Variants in INO80C observed in about 807,000 individuals in gnomAD.
INO80C encodes IES6 homolog.
In INO80C, 17 loss-of-function variants were observed where a neutral mutation model predicts 17.7. The observed-to-expected ratio is 0.96, with a 90% CI of 0.66 to 1.44. The LOEUF (loss-of-function observed/expected upper bound fraction) is 1.44, where lower values mean the gene tolerates loss of function less well. Ranked by LOEUF, INO80C falls within the 40% of genes most tolerant of loss-of-function variation. INO80C has a pLI of 0.00. For synonymous variants in INO80C, 96 were observed against 95.8 expected (o/e 1.00, Z -0.01); for missense variants, 244 against 245.0 (o/e 1.00, Z 0.03).
chr18:35,481,470 T>C (rs945821912), intron 1 of INO80C, among the ~76,000 whole-genome samples: 7 of 152,214 alleles, frequency 4.6e-5, no homozygotes, highest in Admixed American at 1.3e-4. Flanking sequence ...TACCTTCCAG[T>C]CCCAACGGCA....
intron 1 of INO80C, 113 bp from the exon 2 acceptor site, chr18:35,480,676 T>A: frequency 1.2e-6 from 1 of 810,992 alleles, no homozygotes; most frequent in Non-Finnish European, 2.1e-6. Flanking sequence ...GGGAAGACAG[T>A]ATGCCCAGAG....
intron 2 of INO80C, among the ~76,000 whole-genome samples, chr18:35,479,848 A>C (rs1201877973): frequency 1.3e-5 from 2 of 151,794 alleles, no homozygotes; most frequent in Admixed American, 1.3e-4. Flanking sequence ...AAGTTGAGAA[A>C]GCCCCAGTTG....
chr18:35,493,250 A>C (rs1044113778), intron 1 of INO80C, among the ~76,000 whole-genome samples: 1 of 152,188 alleles, frequency 6.6e-6, no homozygotes, highest in Non-Finnish European at 1.5e-5. Context: ...AATATTAATT[A>C]CTATTATTTA....
chr18:35,494,715 T>C (rs759583584), intron 1 of INO80C, among the ~76,000 whole-genome samples: 1 of 152,236 alleles, frequency 6.6e-6, no homozygotes, highest in South Asian at 2.1e-4. Flanking sequence ...AGCTTTGTGA[T>C]ACCCAGAGCA....
chr18:35,475,992 G>A (rs1478556749), intron 4 of INO80C, among the ~76,000 whole-genome samples: 1 of 152,154 alleles, frequency 6.6e-6, no homozygotes, highest in African/African-American at 2.4e-5. Flanking sequence ...GAATGAGAGA[G>A]TGGAATTAGA....
At chr18:35,497,669 A>G (rs1377403206) in intron 1 of INO80C, 50 bp downstream of exon 1, 1 of 1,581,680 alleles carries the variant, frequency 6.3e-7, no homozygotes, top group Admixed American at 1.8e-5. Context: ...CCGCCCCGCC[A>G]AGTCCCGTTT....
intron 4 of INO80C, among the ~76,000 whole-genome samples, chr18:35,474,637 T>C (rs1598737454): frequency 6.6e-6 from 1 of 152,074 alleles, no homozygotes; most frequent in Non-Finnish European, 1.5e-5. Flanking sequence ...TAGTGAGCTG[T>C]GATCACATCA....
intron 1 of INO80C, among the ~76,000 whole-genome samples, chr18:35,481,091 G>C (rs1278865376): frequency 6.6e-6 from 1 of 152,182 alleles, no homozygotes; most frequent in Non-Finnish European, 1.5e-5. Flanking sequence ...TAAGGGTCTA[G>C]TTGGCCAGAG....
chr18:35,473,188 G>A (rs1167250212), intron 4 of INO80C, among the ~76,000 whole-genome samples: 1 of 152,212 alleles, frequency 6.6e-6, no homozygotes, highest in Non-Finnish European at 1.5e-5. Context: ...ATGACACAGG[G>A]AGAGATTTCC....
At chr18:35,472,659 A>G (rs974507727) in intron 4 of INO80C, among the ~76,000 whole-genome samples, 9 of 152,176 alleles carry the variant, frequency 5.9e-5, no homozygotes, top group Admixed American at 2.0e-4. Flanking sequence ...TTTAATCTCA[A>G]CAGACTGCTC....
At chr18:35,484,309 G>A (rs970280493) in intron 1 of INO80C, among the ~76,000 whole-genome samples, 16 of 152,190 alleles carry the variant, frequency 1.1e-4, no homozygotes, top group Non-Finnish European at 2.2e-4. Flanking sequence ...CAGTATACAG[G>A]CAGATAATTA....
intron 1 of INO80C, among the ~76,000 whole-genome samples, chr18:35,485,077 T>C (rs751850686): frequency 3.3e-5 from 5 of 152,108 alleles, no homozygotes; most frequent in Non-Finnish European, 7.4e-5. Flanking sequence ...GCACCAGTCA[T>C]CCAGGATTAG....
Position 35,486,302 on chromosome 18 carries a change from G to A in INO80C, c.157-5739C>T, listed in dbSNP as rs377223403. 1.7e-3 allele frequency among the ~76,000 whole-genome samples: 254 copies of A among 152,260 alleles called. 3 individuals carry two copies. The South Asian group carries it at 0.037, about 22-fold the overall frequency. On this transcript the variant is annotated intron_variant, in intron 1 of 4. Transcript: ENST00000334598. ...GTATAATTCCATTTATATGAGATAC[G>A]TAGTCACATTCAGAGACAGAAAGTA... is the stretch of plus-strand genomic sequence containing the variant.
chr18:35,479,885 CT>C (rs35108119), intron 2 of INO80C, among the ~76,000 whole-genome samples: 3,336 of 136,482 alleles, frequency 0.024, 40 homozygotes, highest in Non-Finnish European at 0.034. Flanking sequence ...CTAGGTACCT[CT>C]TTTTTTTTTT....
At chr18:35,477,868 G>A (rs1016422760) in intron 4 of INO80C, among the ~76,000 whole-genome samples, 7 of 152,168 alleles carry the variant, frequency 4.6e-5, no homozygotes. Flanking sequence ...ATTTGGAAAA[G>A]GGGTTCTGAT....
At chr18:35,482,779 C>G (rs921246193) in intron 1 of INO80C, among the ~76,000 whole-genome samples, 6 of 152,182 alleles carry the variant, frequency 3.9e-5, no homozygotes, top group Non-Finnish European at 8.8e-5. Context: ...ACTCTCCCTT[C>G]CTCCCACAGT....
chr18:35,488,348 A>G (rs1485300602), intron 1 of INO80C, among the ~76,000 whole-genome samples: 1 of 152,224 alleles, frequency 6.6e-6, no homozygotes, highest in Non-Finnish European at 1.5e-5. Context: ...ACATCCAGGC[A>G]TTTCCATACA....
At chr18:35,469,861 T>C (rs1567976647) in intron 4 of INO80C, among the ~76,000 whole-genome samples, 1 of 152,146 alleles carries the variant, frequency 6.6e-6, no homozygotes. Context: ...AATGAATGAA[T>C]AAACAAACAG....
At chr18:35,478,179 C>T in intron 4 of INO80C, 103 bp downstream of exon 4, 1 of 879,818 alleles carries the variant, frequency 1.1e-6, no homozygotes, top group South Asian at 1.7e-5. Flanking sequence ...TGTAGACAGG[C>T]TCCAGGCAGG....
Sources: gnomAD v4.1 joint callset for allele counts (sites outside exome capture counted in the v4.1 genomes callset) on GRCh38, gnomAD v4.1.1 for gene constraint, MANE v1.5 for transcripts, NCBI Gene and HGNC (gene_info 2026-07-23, HGNC 2026-07-21) for gene names.